PDE3B: variants seen among roughly 807,000 people sequenced by gnomAD.
PDE3B encodes the protein cGMP-inhibited 3',5'-cyclic phosphodiesterase 3B.
In PDE3B, 66 loss-of-function variants were observed where a neutral mutation model predicts 116.8. The ratio of observed to expected loss-of-function variants is 0.56; its 90% CI spans 0.46 to 0.69. The LOEUF (loss-of-function observed/expected upper bound fraction) is 0.69, where lower values mean the gene tolerates loss of function less well. Ranked by LOEUF, PDE3B falls within the 30% of genes least tolerant of loss-of-function variation. The pLI is 0.00. For missense variants in PDE3B, 1,384 were observed against 1,368.1 expected, an observed-to-expected ratio of 1.01 and a Z score of -0.18; for synonymous variants, 595 against 533.6, an observed-to-expected ratio of 1.12 and a Z score of -1.59.
the PDE3B span, among the ~76,000 whole-genome samples, chr11:14,885,614 G>A: frequency 2.6e-5 from 4 of 152,120 alleles, no homozygotes; most frequent in Non-Finnish European, 4.4e-5. Flanking sequence ...TAAAATATGC[G>A]TGTAGTACAG....
intron 14 of PDE3B, among the ~76,000 whole-genome samples, chr11:14,863,188 A>G (rs978677321): frequency 1.3e-5 from 2 of 152,144 alleles, no homozygotes; most frequent in Non-Finnish European, 2.9e-5. Flanking sequence ...AGCTTCATCT[A>G]TGTTCCTGCA....
intron 11 of PDE3B, among the ~76,000 whole-genome samples, chr11:14,837,515 G>A (rs1860091582): frequency 6.6e-6 from 1 of 152,148 alleles, no homozygotes; most frequent in South Asian, 2.1e-4. Context: ...CTGTTACTGT[G>A]TAACACGGAT....
intron 1 of PDE3B, among the ~76,000 whole-genome samples, chr11:14,704,746 G>C (rs1855478805): frequency 6.6e-6 from 1 of 151,550 alleles, no homozygotes; most frequent in Admixed American, 6.6e-5. Flanking sequence ...TGCAGGAAAG[G>C]TGAACTTAAA....
the PDE3B span, among the ~76,000 whole-genome samples, chr11:14,896,530 GA>G: frequency 1.2e-4 from 18 of 152,144 alleles, 1 homozygote; most frequent in Non-Finnish European, 2.9e-5. Flanking sequence ...ATGTTTTCAA[GA>G]TGCCAAACAT....
intron 1 of PDE3B, among the ~76,000 whole-genome samples, chr11:14,706,154 A>C (rs1265934700): frequency 6.8e-6 from 1 of 147,624 alleles, no homozygotes; most frequent in Non-Finnish European, 1.5e-5. Context: ...TCCCTCCTTC[A>C]CTCCCTTCTC....
intron 1 of PDE3B, among the ~76,000 whole-genome samples, chr11:14,747,774 T>TGG (rs1287003209): frequency 6.6e-6 from 1 of 152,164 alleles, no homozygotes; most frequent in African/African-American, 2.4e-5. Context: ...TTCCATATTT[T>TGG]GAATCAAATG....
chr11:14,890,519 T>C, the PDE3B span: 93 of 362,462 alleles, frequency 2.6e-4, no homozygotes, highest in African/African-American at 2.1e-3. Flanking sequence ...CTTTCTATTC[T>C]AGAAACCTAG....
chr11:14,838,990 T>A lies in PDE3B; in HGVS notation c.2320+3895T>A, dbSNP rs577045234. Reference sequence around the variant, plus strand: ...AATGGGGTGATCATATTCAATTTTATCACCCATCCCTAATTTTATCCCCAA... The same window carrying A: ...AATGGGGTGATCATATTCAATTTTAACACCCATCCCTAATTTTATCCCCAA... On this transcript the variant is annotated intron_variant, in intron 11 of 15. Coordinates refer to ENST00000282096, the MANE Select transcript of PDE3B (RefSeq NM_000922.4). 5.1e-3 allele frequency among the ~76,000 whole-genome samples: 778 copies of A among 152,332 alleles called. 9 individuals are homozygous for A. The highest frequency in any genetic ancestry group is 0.018 in the African/African-American group (750 of 41,568).
chr11:14,891,276 C>T, the PDE3B span: 1 of 985,364 alleles, frequency 1.0e-6, no homozygotes, highest in Non-Finnish European at 1.2e-6. Context: ...TTAAATGAGT[C>T]ACCAAGTTGG....
chr11:14,878,313 A>C, the PDE3B span: 1 of 1,611,882 alleles, frequency 6.2e-7, no homozygotes. Context: ...CAGAAAAAGC[A>C]GATACAATAA....
At chr11:14,675,296 T>A (rs1033347148) in intron 1 of PDE3B, among the ~76,000 whole-genome samples, 1 of 152,186 alleles carries the variant, frequency 6.6e-6, no homozygotes, top group Admixed American at 6.5e-5. Flanking sequence ...GCAGACATAA[T>A]CTTTGGGGTC....
chr11:14,657,809 T>C (rs182256190), intron 1 of PDE3B, among the ~76,000 whole-genome samples: 9 of 152,322 alleles, frequency 5.9e-5, no homozygotes, highest in Non-Finnish European at 1.2e-4. Context: ...ATTAATATTG[T>C]AGTGTTTGAG....
chr11:14,685,944 G>A (rs1854861289), intron 1 of PDE3B, among the ~76,000 whole-genome samples: 1 of 152,118 alleles, frequency 6.6e-6, no homozygotes, highest in African/African-American at 2.4e-5. Flanking sequence ...TTCTACCTAT[G>A]CCACAGGTGG....
At chr11:14,845,621 A>T (rs1420178341) in intron 12 of PDE3B, among the ~76,000 whole-genome samples, 1 of 152,222 alleles carries the variant, frequency 6.6e-6, no homozygotes, top group Non-Finnish European at 1.5e-5. Context: ...TAACTAGAAT[A>T]ACCAATACAG....
At chr11:14,723,387 A>G (rs11023314) in intron 1 of PDE3B, among the ~76,000 whole-genome samples, 9,934 of 152,230 alleles carry the variant, frequency 0.065, 449 homozygotes, top group African/African-American at 0.13. Flanking sequence ...GTACATAGAC[A>G]TTAATACAAT....
intron 1 of PDE3B, among the ~76,000 whole-genome samples, chr11:14,735,875 A>C (rs1005744065): frequency 2.6e-5 from 4 of 152,114 alleles, no homozygotes; most frequent in African/African-American, 9.7e-5. Flanking sequence ...TGAATCACAT[A>C]GGGGATAATG....
intron 1 of PDE3B, among the ~76,000 whole-genome samples, chr11:14,738,587 C>A (rs1018655986): frequency 6.6e-6 from 1 of 152,092 alleles, no homozygotes; most frequent in African/African-American, 2.4e-5. Context: ...TTTTGCTGTG[C>A]AGAAGCTCTT....
intron 1 of PDE3B, among the ~76,000 whole-genome samples, chr11:14,706,710 G>A (rs576500267): frequency 6.6e-6 from 1 of 151,988 alleles, no homozygotes; most frequent in African/African-American, 2.4e-5. Flanking sequence ...TTAGATCATA[G>A]GTGAAATTGT....
chr11:14,691,111 T>C (rs1225769206), intron 1 of PDE3B, among the ~76,000 whole-genome samples: 2 of 152,194 alleles, frequency 1.3e-5, no homozygotes, highest in African/African-American at 4.8e-5. Flanking sequence ...TTCTAAATAG[T>C]AGAATTCAGT....
Sources: gnomAD v4.1 joint callset for allele counts (sites outside exome capture counted in the v4.1 genomes callset) on GRCh38, gnomAD v4.1.1 for gene constraint, MANE v1.5 for transcripts, NCBI Gene and HGNC (gene_info 2026-07-23, HGNC 2026-07-21) for gene names.